MKLN1: variants seen among roughly 807,000 people sequenced by gnomAD.
MKLN1 encodes muskelin.
A neutral mutation model predicts 99.0 loss-of-function variants in MKLN1; 18 were observed. The observed-to-expected ratio is 0.18, with a 90% CI of 0.13 to 0.27. The LOEUF (loss-of-function observed/expected upper bound fraction) is 0.27, where lower values mean the gene tolerates loss of function less well. MKLN1 is among the 10% of genes least tolerant of loss of function. The pLI, the probability that MKLN1 is intolerant of heterozygous loss-of-function variation, is 1.00. For missense variants in MKLN1, 621 were observed against 875.9 expected, an observed-to-expected ratio of 0.71 and a Z score of 3.67; for synonymous variants, 288 against 293.2, an observed-to-expected ratio of 0.98 and a Z score of 0.18.
intron 4 of MKLN1, among the ~76,000 whole-genome samples, chr7:131,389,507 A>G (rs1324236658): frequency 6.6e-6 from 1 of 152,052 alleles, no homozygotes; most frequent in Non-Finnish European, 1.5e-5. Flanking sequence ...AATTGATTTA[A>G]TGACCCATCG....
At chr7:131,400,521 ATAT>A (rs1794506352) in intron 6 of MKLN1, among the ~76,000 whole-genome samples, 2 of 115,846 alleles carry the variant, frequency 1.7e-5, no homozygotes, top group African/African-American at 3.2e-5. Context: ...AAAAAAAAAT[ATAT>A]ATATATATAT....
intron 1 of MKLN1, among the ~76,000 whole-genome samples, chr7:131,134,348 A>G (rs773948857): frequency 1.3e-5 from 2 of 151,708 alleles, no homozygotes; most frequent in Non-Finnish European, 2.9e-5. Flanking sequence ...CAGCTGCCTC[A>G]GGCTTTTTTT....
At chr7:131,432,671 C>A (rs957898819) in intron 9 of MKLN1, among the ~76,000 whole-genome samples, 1 of 152,188 alleles carries the variant, frequency 6.6e-6, no homozygotes, top group Admixed American at 6.5e-5. Flanking sequence ...TGGTCTCGAT[C>A]TCTTGACCTC....
At position 131,397,250 on chromosome 7, in the gene MKLN1, G is replaced by A. The variant is rs763797168; in HGVS notation, c.401-17G>A. The A allele has an allele frequency of 6.7e-7, 1 of 1,503,462 alleles. No individual in the cohort carries two copies. Among genetic ancestry groups the A allele is most frequent in the Non-Finnish European group, 9.2e-7 (1 of 1,090,568 alleles). 93.1% of individuals were successfully genotyped at this position (1,503,462 alleles called of 1,614,324 possible). A position where few individuals can be genotyped will look rare whatever the true frequency, so the allele number is the denominator to read the frequency against. ...TGTTAATATTTTTCTTCTTCTTTTT[G>A]TTTTTTCTCCTTAAAGTTCCACTCT... is the stretch of plus-strand genomic sequence containing the variant. On this transcript the variant is annotated splice_polypyrimidine_tract_variant and intron_variant, in intron 4 of 17. Transcript: ENST00000352689.
intron 3 of MKLN1, among the ~76,000 whole-genome samples, chr7:131,285,350 G>A (rs1196225629): frequency 6.6e-6 from 1 of 152,198 alleles, no homozygotes; most frequent in Non-Finnish European, 1.5e-5. Context: ...ACCTCCTGGT[G>A]TGGGGCAATG....
intron 3 of MKLN1, among the ~76,000 whole-genome samples, chr7:131,244,973 A>G (rs1797463921): frequency 6.6e-6 from 1 of 152,012 alleles, no homozygotes; most frequent in Non-Finnish European, 1.5e-5. Context: ...TACTCATTTG[A>G]TTTTACATCC....
chr7:131,353,841 T>G (rs2116773186), intron 1 of MKLN1, among the ~76,000 whole-genome samples: 1 of 150,420 alleles, frequency 6.6e-6, no homozygotes, highest in Non-Finnish European at 1.5e-5. Flanking sequence ...GTTGTCCAGT[T>G]GCTCTAGCAC....
rs1792517309 is a variant in MKLN1, at chr7:131,493,375, T to C, written c.*5647T>C. On this transcript the variant is annotated 3_prime_UTR_variant, in exon 18 of 18. Coordinates refer to ENST00000352689, the MANE Select transcript of MKLN1 (RefSeq NM_013255.5). ...AGAAGGAAAAATAGGAGCTTTTTGCTTATGGATTTTAGAGGTCCACAAATC... is the reference window on the plus strand; with the variant it reads ...AGAAGGAAAAATAGGAGCTTTTTGCCTATGGATTTTAGAGGTCCACAAATC... 1 of 152,184 alleles carries C rather than the reference T, an allele frequency of 6.6e-6. No individual in the cohort carries two copies. Among genetic ancestry groups the C allele is most frequent in the Non-Finnish European group, 1.5e-5 (1 of 68,036 alleles). 9.4% of individuals were successfully genotyped at this position (152,184 alleles called of 1,614,324 possible).
At chr7:131,357,722 T>A (rs1270058990) in intron 1 of MKLN1, among the ~76,000 whole-genome samples, 1 of 152,144 alleles carries the variant, frequency 6.6e-6, no homozygotes, top group Non-Finnish European at 1.5e-5. Context: ...TCATTTTTGT[T>A]TTGTTTTGTT....
intron 2 of MKLN1, among the ~76,000 whole-genome samples, chr7:131,199,762 C>T (rs1386336152): frequency 6.6e-6 from 1 of 152,162 alleles, no homozygotes; most frequent in Non-Finnish European, 1.5e-5. Context: ...GGTGTGATCT[C>T]GACTCACTGC....
intron 2 of MKLN1, among the ~76,000 whole-genome samples, chr7:131,149,708 T>C (rs1795862442): frequency 6.6e-6 from 1 of 152,238 alleles, no homozygotes; most frequent in Non-Finnish European, 1.5e-5. Context: ...CCCACTGGCA[T>C]TTGGGATGTA....
At chr7:131,398,251 A>T (rs913696804) in intron 5 of MKLN1, among the ~76,000 whole-genome samples, 21 of 152,120 alleles carry the variant, frequency 1.4e-4, no homozygotes, top group Admixed American at 3.9e-4. Flanking sequence ...AGATTTTTTT[A>T]AAAAAATCCT....
intron 2 of MKLN1, among the ~76,000 whole-genome samples, chr7:131,177,088 C>A (rs1365576033): frequency 6.6e-6 from 1 of 152,204 alleles, no homozygotes; most frequent in Non-Finnish European, 1.5e-5. Flanking sequence ...AGCTGTAGAA[C>A]AGACTGTTTC....
At chr7:131,370,935 T>G (rs577789872) in intron 1 of MKLN1, among the ~76,000 whole-genome samples, 1 of 152,262 alleles carries the variant, frequency 6.6e-6, no homozygotes, top group African/African-American at 2.4e-5. Context: ...GGACTGGAGA[T>G]CAGCAGGAGT....
chr7:131,315,622 G>A (rs748439012), intron 3 of MKLN1, among the ~76,000 whole-genome samples: 1 of 152,150 alleles, frequency 6.6e-6, no homozygotes, highest in Non-Finnish European at 1.5e-5. Flanking sequence ...CCACTCCCAC[G>A]GAGCCCAGAA....
At chr7:131,402,127 CCT>C (rs1794566290) in intron 6 of MKLN1, among the ~76,000 whole-genome samples, 1 of 152,186 alleles carries the variant, frequency 6.6e-6, no homozygotes, top group Non-Finnish European at 1.5e-5. Context: ...TGGAGTCAAT[CCT>C]CTCAAACCCT....
intron 3 of MKLN1, among the ~76,000 whole-genome samples, chr7:131,298,517 A>G (rs1798328630): frequency 6.6e-6 from 1 of 152,200 alleles, no homozygotes; most frequent in South Asian, 2.1e-4. Flanking sequence ...GTCATTTCAC[A>G]GCTGTATCTT....
At chr7:131,454,755 C>T (rs187475034) in intron 12 of MKLN1, among the ~76,000 whole-genome samples, 3 of 152,290 alleles carry the variant, frequency 2.0e-5, no homozygotes, top group East Asian at 3.9e-4. Flanking sequence ...TACTGGAGGA[C>T]ATTTGACAAA....
intron 2 of MKLN1, among the ~76,000 whole-genome samples, chr7:131,187,042 G>A (rs1484479219): frequency 6.6e-6 from 1 of 152,218 alleles, no homozygotes; most frequent in Non-Finnish European, 1.5e-5. Context: ...GGAACTCCGA[G>A]TAGGCAAGAA....
Sources: gnomAD v4.1 joint callset for allele counts (sites outside exome capture counted in the v4.1 genomes callset) on GRCh38, gnomAD v4.1.1 for gene constraint, MANE v1.5 for transcripts, NCBI Gene and HGNC (gene_info 2026-07-23, HGNC 2026-07-21) for gene names.